YLPM1: variants seen among roughly 807,000 people sequenced by gnomAD.
YLPM1 encodes the protein YLP motif-containing protein 1.
YLPM1 carries 99 observed loss-of-function variants against 230.0 expected under a neutral mutation model. The observed-to-expected ratio is 0.43, with a 90% CI of 0.37 to 0.51. The LOEUF (loss-of-function observed/expected upper bound fraction) is 0.51. YLPM1 is among the 20% of genes least tolerant of loss of function. YLPM1 has a pLI of 0.00. For missense variants in YLPM1, 2,592 were observed against 2,707.7 expected (o/e 0.96, Z 0.95); for synonymous variants, 984 against 942.5 (o/e 1.04, Z -0.81).
chr14:74,809,851 A>C, intron 7 of YLPM1, 54 bp downstream of exon 7: 1 of 1,607,366 alleles, frequency 6.2e-7, no homozygotes. Context: ...TGTTAGCTTC[A>C]GCTTTAGCTT....
chr14:74,828,504 T>A (rs573488950), intron 18 of YLPM1, among the ~76,000 whole-genome samples: 2 of 152,216 alleles, frequency 1.3e-5, no homozygotes, highest in Non-Finnish European at 2.9e-5. Flanking sequence ...TATTCATTAA[T>A]TGATTACAGT....
At position 74,798,277 on chromosome 14, in the gene YLPM1, A is replaced by G. The variant is rs199593856; in HGVS notation, c.2980A>G (p.Asn994Asp). The change falls in exon 5 of 21, where the codon AAC becomes GAC. Residue 994 changes from asparagine (N) to aspartate (D), a missense_variant. Physicochemically the swap from Asn to Asp is conservative, Grantham distance 23. Around this residue, in one of 4 missense-constraint regions of YLPM1, gnomAD observed 1,862 missense variants for 1,819.8 expected, o/e 1.02. Coordinates refer to ENST00000325680, the MANE Select transcript of YLPM1 (RefSeq NM_019589.3). ...PVGIGLPHSE[N>D]NQDKGLPRPD... ...GGGTATTGGTCTACCCCATTCAGAAAACAACCAAGATAAAGGCCTGCCTCG... is the reference window on the plus strand; with the variant it reads ...GGGTATTGGTCTACCCCATTCAGAAGACAACCAAGATAAAGGCCTGCCTCG... 7.1e-5 allele frequency: 115 copies of G among 1,614,016 alleles called. No individual in the cohort carries two copies. The highest frequency in any genetic ancestry group is 9.2e-5 in the Non-Finnish European group (108 of 1,179,900).
intron 11 of YLPM1, among the ~76,000 whole-genome samples, chr14:74,814,220 G>A (rs2091458489): frequency 1.3e-5 from 2 of 152,276 alleles, no homozygotes; most frequent in Middle Eastern, 3.4e-3. Flanking sequence ...AATTAGCTGG[G>A]CGTGGTGGCA....
intron 4 of YLPM1, among the ~76,000 whole-genome samples, chr14:74,784,007 C>T (rs777684077): frequency 2.6e-5 from 4 of 152,172 alleles, no homozygotes; most frequent in Non-Finnish European, 4.4e-5. Context: ...ACTATTTAAG[C>T]TCTGTTTACT....
Position 74,799,007 on chromosome 14 carries a change from A to G in YLPM1, c.3710A>G (p.Asp1237Gly), listed in dbSNP as rs1424556000. Residue 1237 changes from aspartate to glycine, a missense_variant, in exon 5 of 21, where the codon GAT becomes GGT. Asp to Gly is a moderately conservative substitution (Grantham distance 94). Around this residue, in one of 4 missense-constraint regions of YLPM1, gnomAD observed 1,862 missense variants for 1,819.8 expected, o/e 1.02. Transcript: ENST00000325680. ...GAATGTGAACGTGACTATCAAGATGATACACTAGAGCTCTATAACAGAGAG... is the reference window on the plus strand; with the variant it reads ...GAATGTGAACGTGACTATCAAGATGGTACACTAGAGCTCTATAACAGAGAG... ...WRECERDYQD[D>G]TLELYNREDR... The G allele has an allele frequency of 1.2e-6, 2 of 1,613,814 alleles. No individual in the cohort carries two copies. The highest frequency in any genetic ancestry group is 1.3e-5 in the African/African-American group (1 of 74,890).
At position 74,835,927 on chromosome 14, in the gene YLPM1, A is replaced by G. The variant is rs543416586; in HGVS notation, c.*189A>G. ...CCAAGAGGTATTAGAATCTTGCTGT[A>G]CCCAAGCAAGACGTTAATTTTTCTT... On this transcript the variant is annotated 3_prime_UTR_variant, in exon 21 of 21. Transcript: ENST00000325680. The G allele has an allele frequency of 2.2e-5, 10 of 452,368 alleles. No individual in the cohort carries two copies. The highest frequency in any genetic ancestry group is 2.0e-4 in the African/African-American group (10 of 49,684). 28.0% of individuals were successfully genotyped at this position (452,368 alleles called of 1,614,324 possible). A position where few individuals can be genotyped will look rare whatever the true frequency, so the allele number is the denominator to read the frequency against.
chr14:74,818,449 T>C, intron 16 of YLPM1, 135 bp downstream of exon 16: 1 of 601,512 alleles, frequency 1.7e-6, no homozygotes, highest in South Asian at 3.1e-5. Flanking sequence ...TGCCTTTCAT[T>C]GAGATCACGG....
intron 6 of YLPM1, among the ~76,000 whole-genome samples, chr14:74,803,097 C>CA (rs748807168): frequency 3.5e-3 from 464 of 130,838 alleles, no homozygotes; most frequent in Middle Eastern, 7.6e-3. Flanking sequence ...CTATCTCTAC[C>CA]AAAAAAAAAA....
Position 74,781,474 on chromosome 14 carries a change from G to T in YLPM1, c.1431G>T (p.Glu477Asp). The change falls in exon 4 of 21, where the codon GAG (glutamate) becomes GAT (aspartate). Residue 477 changes from glutamate to aspartate, a missense_variant. This residue lies in a region of YLPM1 where 1,862 missense variants were observed against 1,819.8 expected (regional missense o/e 1.02). Transcript: ENST00000325680. ...ATCCTCATAAAGATCAGCTTCAGGAGTATGAGAAGCAGTGGAAAACATGGC... is the reference window on the plus strand; with the variant it reads ...ATCCTCATAAAGATCAGCTTCAGGATTATGAGAAGCAGTGGAAAACATGGC... Reference protein sequence around the residue: ...HSYPHKDQLQEYEKQWKTWQG... With the variant: ...HSYPHKDQLQDYEKQWKTWQG... The T allele has an allele frequency of 1.9e-6, 3 of 1,613,610 alleles. No individual in the cohort carries two copies. Among genetic ancestry groups the T allele is most frequent in the Non-Finnish European group, 2.5e-6 (3 of 1,179,708 alleles).
intron 4 of YLPM1, among the ~76,000 whole-genome samples, chr14:74,789,611 T>C (rs1268585706): frequency 5.9e-5 from 9 of 151,460 alleles, no homozygotes; most frequent in East Asian, 1.9e-4. Context: ...CTTTTCTTTT[T>C]TTTTTTTTTT....
At position 74,797,052 on chromosome 14, in the gene YLPM1, A is replaced by G. The variant is rs557301890; in HGVS notation, c.2283-528A>G. Among the ~76,000 whole-genome samples the G allele has an allele frequency of 2.8e-5, 4 of 142,126 alleles. No individual in the cohort carries two copies. The South Asian group carries it at 9.0e-4, about 32-fold the overall frequency. 93.2% of individuals were successfully genotyped at this position (142,126 alleles called of 152,430 possible). On this transcript the variant is annotated intron_variant, in intron 4 of 20. Transcript: ENST00000325680. ...AATAGCGTGATCTCAGCTCACTGCAACCTCTGCCTCCCAGGTTCAAGTGAT... is the reference window on the plus strand; with the variant it reads ...AATAGCGTGATCTCAGCTCACTGCAGCCTCTGCCTCCCAGGTTCAAGTGAT...
At position 74,797,945 on chromosome 14, in the gene YLPM1, C is replaced by T; in HGVS notation, c.2648C>T (p.Ala883Val). 1.9e-6 allele frequency: 3 copies of T among 1,590,604 alleles called. No individual in the cohort carries two copies. The highest frequency in any genetic ancestry group is 4.6e-5 in the East Asian group (2 of 43,116). ...AAGAATTTTAAAATGCAATCAGCTG[C>T]ATTTTCCATTGCTGCAGATGTAAAG... ...QQKNFKMQSA[A>V]FSIAADVKDV... Residue 883 changes from alanine (A) to valine (V), a missense_variant, in exon 5 of 21, where the codon GCA (alanine) becomes GTA (valine). Physicochemically the swap from Ala to Val is moderately conservative, Grantham distance 64. Transcript: ENST00000325680.
Position 74,798,268 on chromosome 14 carries a change from C to T in YLPM1, c.2971C>T (p.His991Tyr). ...DFKPVGIGLP[H>Y]SENNQDKGLP... Reference sequence around the variant, plus strand: ...TAAACCTGTGGGTATTGGTCTACCCCATTCAGAAAACAACCAAGATAAAGG... The same window carrying T: ...TAAACCTGTGGGTATTGGTCTACCCTATTCAGAAAACAACCAAGATAAAGG... Residue 991 changes from histidine (H) to tyrosine (Y), a missense_variant, in exon 5 of 21, where the codon CAT (histidine) becomes TAT (tyrosine). Around this residue, in one of 4 missense-constraint regions of YLPM1, gnomAD observed 1,862 missense variants for 1,819.8 expected, o/e 1.02. Transcript: ENST00000325680. The T allele has an allele frequency of 1.2e-6, 2 of 1,613,850 alleles. No homozygotes were observed. Among genetic ancestry groups the T allele is most frequent in the African/African-American group, 1.3e-5 (1 of 75,014 alleles).
chr14:74,768,026 C>G (rs919387834), intron 1 of YLPM1, among the ~76,000 whole-genome samples: 1 of 152,000 alleles, frequency 6.6e-6, no homozygotes, highest in Non-Finnish European at 1.5e-5. Context: ...AAAGACCTTG[C>G]CTAAGTAAAT....
At chr14:74,829,108 T>C (rs1221443033) in intron 18 of YLPM1, 105 bp from the exon 19 acceptor site, 6 of 1,364,310 alleles carry the variant, frequency 4.4e-6, no homozygotes, top group Non-Finnish European at 5.0e-6. Flanking sequence ...CTCAAAAATG[T>C]GGATATGCCC....
Position 74,810,394 on chromosome 14 carries a change from C to T in YLPM1, c.5202C>T (p.Asp1734=), listed in dbSNP as rs759397680. The change falls in exon 9 of 21, where the codon GAC becomes GAT. Residue 1734 remains aspartate, a synonymous_variant. Transcript: ENST00000325680. ...TTGACTATGACCGGGATCGATTTGA[C>T]AGAGAACGCCGACCCCGAGATGATA... ...GVIDYDRDRF[D]RERRPRDDRA... is the part of the protein sequence containing the mutation. The T allele has an allele frequency of 6.4e-7, 1 of 1,567,740 alleles. No homozygotes were observed. The highest frequency in any genetic ancestry group is 1.8e-5 in the Admixed American group (1 of 56,576).
intron 4 of YLPM1, among the ~76,000 whole-genome samples, chr14:74,790,702 C>T (rs992032586): frequency 1.3e-5 from 2 of 151,784 alleles, no homozygotes; most frequent in African/African-American, 4.8e-5. Context: ...ACAATGCATG[C>T]GTTTTTATGT....
intron 14 of YLPM1, 33 bp downstream of exon 14, chr14:74,817,140 G>A: frequency 6.3e-7 from 1 of 1,597,494 alleles, no homozygotes. Context: ...AGTACTTTGT[G>A]TTGTCATGTA....
At chr14:74,787,781 T>TA (rs1426906085) in intron 4 of YLPM1, among the ~76,000 whole-genome samples, 1 of 151,064 alleles carries the variant, frequency 6.6e-6, no homozygotes, top group Non-Finnish European at 1.5e-5. Context: ...TTGGGAGGCC[T>TA]AGGCGAGCGG....
Sources: gnomAD v4.1 joint callset for allele counts (sites outside exome capture counted in the v4.1 genomes callset) on GRCh38, gnomAD v4.1.1 for gene constraint, gnomAD v4.1.1 regional missense constraint, MANE v1.5 for transcripts, NCBI Gene and HGNC (gene_info 2026-07-23, HGNC 2026-07-21) for gene names.